Variants in ARL17B observed in about 807,000 individuals in gnomAD.
ARL17B encodes ARF like GTPase 17B, also known as ADP-ribosylation factor-like protein 17.
At chr17:46,287,961 T>TCATA in intron 4 of ARL17B, among the ~76,000 whole-genome samples, 1 of 152,342 alleles carries the variant, frequency 6.6e-6, no homozygotes, top group South Asian at 2.1e-4. Flanking sequence ...CATGTCAAAG[T>TCATA]CATAGTGAGA....
At chr17:46,317,126 G>A (rs1296407755) in intron 3 of ARL17B, among the ~76,000 whole-genome samples, 1 of 88,626 alleles carries the variant, frequency 1.1e-5, no homozygotes, top group Non-Finnish European at 3.3e-5. Context: ...GAGCTGTTGG[G>A]TACACCTCCC....
chr17:46,279,191 T>C (rs562067817), intron 4 of ARL17B, among the ~76,000 whole-genome samples: 4 of 150,958 alleles, frequency 2.6e-5, no homozygotes, highest in Admixed American at 1.3e-4. Flanking sequence ...TTTCTTTTTT[T>C]TTTTTTTTTT....
Position 46,309,302 on chromosome 17 carries a change from A to G in ARL17B, c.260-9637T>C, listed in dbSNP as rs1171706686. On this transcript the variant is annotated intron_variant, in intron 3 of 4. Transcript: ENST00000434041. Reference sequence around the variant, plus strand: ...GGGGCAATAATCATATCTCTTACAGATGAAATCATGAATGAAATGGTTTAT... The same window carrying G: ...GGGGCAATAATCATATCTCTTACAGGTGAAATCATGAATGAAATGGTTTAT... Among the ~76,000 whole-genome samples the G allele has an allele frequency of 2.8e-3, 64 of 22,490 alleles. 5 individuals carry two copies. The highest frequency in any genetic ancestry group is 6.3e-3 in the African/African-American group (61 of 9,652). 14.8% of individuals were successfully genotyped at this position (22,490 alleles called of 152,430 possible).
chr17:46,276,270 A>G (rs1344324273), intron 4 of ARL17B, among the ~76,000 whole-genome samples: 1 of 152,270 alleles, frequency 6.6e-6, no homozygotes, highest in Non-Finnish European at 1.5e-5. Flanking sequence ...AATAGCAGAT[A>G]AATTTATATT....
Position 46,314,503 on chromosome 17 carries a change from CG to C in ARL17B, c.260-14839del, listed in dbSNP as rs1190439118. ...CAACAGAGTGAGACTCCAATGGAGA[CG>C]GGGTTTCAGCACGTTTATCCGTTTA... On this transcript the variant is annotated intron_variant, in intron 3 of 4. Coordinates refer to the ARL17B transcript ENST00000434041. Among the ~76,000 whole-genome samples the C allele has an allele frequency of 2.5e-5, 2 of 80,302 alleles. 1 individual carries two copies. The highest frequency in any genetic ancestry group is 6.4e-5 in the African/African-American group (2 of 31,336). 52.7% of individuals were successfully genotyped at this position (80,302 alleles called of 152,430 possible).
intron 4 of ARL17B, among the ~76,000 whole-genome samples, chr17:46,276,790 C>CTTTTCTTTTTTTTTTTTT (rs2049598576): frequency 3.7e-5 from 5 of 134,298 alleles, no homozygotes; most frequent in Non-Finnish European, 6.4e-5. Flanking sequence ...TTCTTTTTTT[C>CTTTTCTTTTTTTTTTTTT]TTTTTTTTTT....
intron 4 of ARL17B, among the ~76,000 whole-genome samples, chr17:46,278,817 C>T (rs2049673396): frequency 6.6e-6 from 1 of 151,336 alleles, no homozygotes; most frequent in Admixed American, 6.6e-5. Flanking sequence ...TTTTTTTTGA[C>T]ACGGAATTTT....
In ARL17B at chr17:46,278,691, C is replaced by T. The variant is rs143710069; in HGVS notation, c.*22-3273G>A. 4.7e-3 allele frequency among the ~76,000 whole-genome samples: 719 copies of T among 152,150 alleles called. 4 individuals are homozygous for T. The highest frequency in any genetic ancestry group is 0.027 in the Middle Eastern group (8 of 292). ...TGCTGAGATTACAGGTGTGGGCCAC[C>T]GCACCTGGCTGAGTCCAAGTTTTAT... is the stretch of plus-strand genomic sequence containing the variant. On this transcript the variant is annotated intron_variant, in intron 4 of 4. Transcript: ENST00000570618.
chr17:46,288,699 GT>G (rs1567856367), intron 4 of ARL17B, among the ~76,000 whole-genome samples: 1 of 130,722 alleles, frequency 7.6e-6, no homozygotes, highest in South Asian at 2.3e-4. Flanking sequence ...ACTGCATCTT[GT>G]TTTTTCTTTT....
chr17:46,333,119 A>T (rs1440094739), downstream of ARL17B, among the ~76,000 whole-genome samples: 1 of 120,110 alleles, frequency 8.3e-6, no homozygotes, highest in Non-Finnish European at 1.9e-5. Flanking sequence ...AGATTTACAC[A>T]GTATCATCCT....
At chr17:46,276,034 G>A (rs372200900) in intron 4 of ARL17B, among the ~76,000 whole-genome samples, 1 of 152,138 alleles carries the variant, frequency 6.6e-6, no homozygotes, top group African/African-American at 2.4e-5. Flanking sequence ...GGGATTACAG[G>A]TGCCTGCCAC....
chr17:46,285,241 CTTTT>C (rs56201620), intron 4 of ARL17B, among the ~76,000 whole-genome samples: 3 of 138,410 alleles, frequency 2.2e-5, no homozygotes, highest in Admixed American at 7.3e-5. Flanking sequence ...CTTTTCTTTC[CTTTT>C]TTTTTTTTTT....
intron 4 of ARL17B, among the ~76,000 whole-genome samples, chr17:46,289,560 G>A (rs192087191): frequency 7.3e-4 from 111 of 152,192 alleles, no homozygotes; most frequent in African/African-American, 2.6e-3. Flanking sequence ...GGCTGGTCTC[G>A]AACTCCTGAC....
chr17:46,282,073 A>C (rs988575890), intron 4 of ARL17B, among the ~76,000 whole-genome samples: 5 of 151,848 alleles, frequency 3.3e-5, no homozygotes, highest in African/African-American at 9.7e-5. Flanking sequence ...TGGATACTTT[A>C]GCTGGGCTTG....
rs1319003583 is a variant in ARL17B, at chr17:46,316,562, G to C, written c.260-16897C>G. ...GCAATGCTGTCACCTCAGCCTCCTG[G>C]GTAGCTGAGACTACAGGCATGCACC... On this transcript the variant is annotated intron_variant, in intron 3 of 4. Coordinates refer to the ARL17B transcript ENST00000434041. Among the ~76,000 whole-genome samples the C allele has an allele frequency of 7.6e-5, 5 of 65,492 alleles. 1 individual carries two copies. The highest frequency in any genetic ancestry group is 2.0e-4 in the African/African-American group (5 of 25,216). The allele number at this position is 65,492 out of a possible 152,430, so 43.0% of individuals were successfully genotyped here. A position where few individuals can be genotyped will look rare whatever the true frequency, so the allele number is the denominator to read the frequency against.
chr17:46,287,154 A>G (rs1431512546), intron 4 of ARL17B, among the ~76,000 whole-genome samples: 1 of 152,250 alleles, frequency 6.6e-6, no homozygotes, highest in African/African-American at 2.4e-5. Context: ...TCACATGTGC[A>G]AACAAAGTCA....
intron 3 of ARL17B, among the ~76,000 whole-genome samples, chr17:46,304,831 C>A: frequency 1.7e-5 from 1 of 58,322 alleles, no homozygotes; most frequent in Non-Finnish European, 5.5e-5. Flanking sequence ...GAAAACAGAC[C>A]TAAACTAAGA....
At position 46,323,873 on chromosome 17, in the gene ARL17B, A is replaced by T. The variant is rs955608089; in HGVS notation, c.260-24208T>A. 5.1e-3 allele frequency among the ~76,000 whole-genome samples: 497 copies of T among 97,278 alleles called. 103 individuals are homozygous for T. Among genetic ancestry groups the T allele is most frequent in the African/African-American group, 0.016 (468 of 29,638 alleles). The allele number at this position is 97,278 out of a possible 152,430, so 63.8% of individuals were successfully genotyped here. On this transcript the variant is annotated intron_variant, in intron 3 of 4. Coordinates refer to the ARL17B transcript ENST00000434041. ...ACAATACAACAATAAAAACAGTAGA[A>T]AATTTAAAATACAGTATAATTATGT... is the stretch of plus-strand genomic sequence containing the variant.
intron 4 of ARL17B, among the ~76,000 whole-genome samples, chr17:46,290,169 G>T (rs1457497710): frequency 6.6e-6 from 1 of 152,194 alleles, no homozygotes; most frequent in Non-Finnish European, 1.5e-5. Flanking sequence ...TCACTTGATC[G>T]CCCCGGCTAG....
Sources: allele counts gnomAD v4.1 joint callset (sites outside exome capture counted in the v4.1 genomes callset), GRCh38; gene constraint gnomAD v4.1.1; transcripts MANE v1.5; gene names NCBI Gene and HGNC (gene_info 2026-07-23, HGNC 2026-07-21).